Variants in MYO5C observed in about 807,000 individuals in gnomAD.
The protein encoded by MYO5C is myosin VC.
MYO5C carries 194 observed loss-of-function variants against 235.7 expected under a neutral mutation model. The ratio of observed to expected loss-of-function variants is 0.82; its 90% CI spans 0.73 to 0.93. The LOEUF is 0.93. Among genes scored for constraint, MYO5C ranks in the 40% least tolerant of loss-of-function variants. The pLI, the probability that MYO5C is intolerant of heterozygous loss-of-function variation, is 0.00. For missense variants in MYO5C, 2,038 were observed against 2,127.2 expected (o/e 0.96, Z 0.82); for synonymous variants, 707 against 754.8 (o/e 0.94, Z 1.04).
At position 52,225,538 on chromosome 15, in the gene MYO5C, T is replaced by A; in HGVS notation, c.3208-6A>T. ...TTTTCGAACTCAGAGATTGTCTGAA[T>A]CACAGCAATGACGGAATCAGGTAAA... On this transcript the variant is annotated splice_region_variant and splice_polypyrimidine_tract_variant and intron_variant, in intron 25 of 40. Coordinates refer to ENST00000261839, the MANE Select transcript of MYO5C (RefSeq NM_018728.4). 1.2e-6 allele frequency: 2 copies of A among 1,600,030 alleles called. No homozygotes were observed. The highest frequency in any genetic ancestry group is 1.7e-6 in the Non-Finnish European group (2 of 1,168,120).
chr15:52,245,485 C>G lies in MYO5C; in HGVS notation c.2067-20G>C. 6.4e-7 allele frequency: 1 copy of G among 1,561,806 alleles called. No homozygotes were observed. The highest frequency in any genetic ancestry group is 8.8e-7 in the Non-Finnish European group (1 of 1,132,374). On this transcript the variant is annotated intron_variant, in intron 17 of 40. Coordinates refer to ENST00000261839, the MANE Select transcript of MYO5C (RefSeq NM_018728.4). ...GTCCACCTGGAAAATCAAAGGGGAT[C>G]AAAGCCAGGAGTGTCAGAGGAAGCA...
intron 32 of MYO5C, among the ~76,000 whole-genome samples, chr15:52,215,708 CTT>C (rs1298545576): frequency 6.6e-6 from 1 of 152,202 alleles, no homozygotes; most frequent in Non-Finnish European, 1.5e-5. Context: ...AAAAACCACT[CTT>C]CACATTTTGA....
At chr15:52,259,555 C>T (rs931167551) in intron 10 of MYO5C, among the ~76,000 whole-genome samples, 10 of 151,964 alleles carry the variant, frequency 6.6e-5, no homozygotes, top group African/African-American at 2.4e-4. Context: ...CACAATGAAA[C>T]AGGACTATTT....
At chr15:52,248,894 A>C (rs867568785) in intron 13 of MYO5C, 111 bp from the exon 14 acceptor site, 11 of 746,004 alleles carry the variant, frequency 1.5e-5, no homozygotes, top group Middle Eastern at 4.8e-4. Context: ...TACAGAGGCA[A>C]TCTTACAAAA....
intron 29 of MYO5C, 47 bp from the exon 30 acceptor site, chr15:52,221,302 A>G: frequency 7.4e-7 from 1 of 1,357,548 alleles, no homozygotes; most frequent in Non-Finnish European, 1.0e-6. Context: ...ACTTTTATCT[A>G]TGAACTTTAA....
chr15:52,269,603 G>C (rs2036877324), intron 8 of MYO5C, 150 bp downstream of exon 8: 3 of 573,620 alleles, frequency 5.2e-6, no homozygotes, highest in Non-Finnish European at 3.1e-6. Flanking sequence ...ATGTTGGCCA[G>C]AATGGTCTCA....
intron 38 of MYO5C, among the ~76,000 whole-genome samples, chr15:52,201,915 A>G (rs1223812816): frequency 4.0e-5 from 2 of 49,710 alleles, no homozygotes; most frequent in Admixed American, 3.4e-4. Flanking sequence ...CAAAGGGATA[A>G]TACTAAAAAA....
chr15:52,229,302 T>G lies in MYO5C; in HGVS notation c.3038A>C (p.Lys1013Thr). The part of the protein sequence containing the change: ...KEERQRMLLE[K>T]SFELKTQDYE... ...GTCTTGTGTTTTCAGTTCAAAACTT[T>G]TTTCAAGAAGCCTACGCAGCAAAAG... is the stretch of plus-strand genomic sequence containing the variant. The change falls in exon 25 of 41, where the codon AAA (lysine) becomes ACA (threonine). Residue 1013 changes from lysine to threonine, a missense_variant. Lys to Thr is a moderately conservative substitution (Grantham distance 78). Coordinates refer to ENST00000261839, the MANE Select transcript of MYO5C (RefSeq NM_018728.4). 1 of 1,613,252 alleles carries G rather than the reference T, an allele frequency of 6.2e-7. No individual in the cohort carries two copies. The highest frequency in any genetic ancestry group is 8.5e-7 in the Non-Finnish European group (1 of 1,179,950).
chr15:52,289,168 C>T (rs540981389), intron 1 of MYO5C, among the ~76,000 whole-genome samples: 1 of 151,008 alleles, frequency 6.6e-6, no homozygotes, highest in Non-Finnish European at 1.5e-5. Flanking sequence ...GGCCCCTCCC[C>T]TGGCTCCCCT....
chr15:52,236,827 A>T (rs2036097308), intron 22 of MYO5C: 1 of 152,252 alleles, frequency 6.6e-6, no homozygotes, highest in Non-Finnish European at 1.5e-5. Flanking sequence ...CAATTCTGTC[A>T]ATCTCTTTTT....
chr15:52,230,540 C>A (rs2141299519), intron 24 of MYO5C, among the ~76,000 whole-genome samples: 1 of 152,024 alleles, frequency 6.6e-6, no homozygotes, highest in African/African-American at 2.4e-5. Flanking sequence ...TCCCGAGTAG[C>A]TGGGATTATA....
At chr15:52,255,781 T>A (rs1017287750) in intron 11 of MYO5C, among the ~76,000 whole-genome samples, 30 of 152,080 alleles carry the variant, frequency 2.0e-4, no homozygotes, top group African/African-American at 3.9e-4. Context: ...CAACATTTTT[T>A]AAATTGTTTT....
chr15:52,285,437 C>CTCCCTCTCCCT (rs2037242330), intron 1 of MYO5C, among the ~76,000 whole-genome samples: 1 of 95,052 alleles, frequency 1.1e-5, no homozygotes, highest in Non-Finnish European at 2.1e-5. Context: ...CTCTCCCTCT[C>CTCCCTCTCCCT]CCTCTCCCTC....
chr15:52,280,078 C>A (rs1430437082), intron 2 of MYO5C, among the ~76,000 whole-genome samples: 3 of 148,036 alleles, frequency 2.0e-5, no homozygotes, highest in Admixed American at 6.6e-5. Context: ...TGAGGCCATG[C>A]AAGTTTTCAT....
chr15:52,221,162 C>G lies in MYO5C; in HGVS notation c.3721G>C (p.Gly1241Arg), dbSNP rs142967217. Residue 1241 changes from glycine (G) to arginine (R), a missense_variant and splice_region_variant, in exon 30 of 41, where the codon GGA becomes CGA. Transcript: ENST00000261839. Reference sequence around the variant, plus strand: ...GCAGGTTAATGAGGGTTTCAGTTACCTTTCATTTTCTCAGCTTGTTCATTC... The same window carrying G: ...GCAGGTTAATGAGGGTTTCAGTTACGTTTCATTTTCTCAGCTTGTTCATTC... Reference protein sequence around the residue: ...RLNEQAEKMKGKLEELSNQLH... With the variant: ...RLNEQAEKMKRKLEELSNQLH... The G allele has an allele frequency of 1.4e-5, 23 of 1,608,034 alleles. No individual in the cohort carries two copies. In the African/African-American group the frequency reaches 2.3e-4, roughly 16 times the overall value.
chr15:52,235,442 GCA>G (rs2036058740), intron 23 of MYO5C, among the ~76,000 whole-genome samples: 1 of 152,144 alleles, frequency 6.6e-6, no homozygotes, highest in African/African-American at 2.4e-5. Flanking sequence ...AGGTTCTGAG[GCA>G]CAGAGAGGAA....
chr15:52,260,105 G>A (rs1452099483), intron 10 of MYO5C, among the ~76,000 whole-genome samples: 1 of 152,236 alleles, frequency 6.6e-6, no homozygotes, highest in African/African-American at 2.4e-5. Context: ...AATCTCCACA[G>A]AGCCCTCCAT....
intron 8 of MYO5C, among the ~76,000 whole-genome samples, chr15:52,266,275 C>A (rs1238788008): frequency 2.6e-5 from 4 of 152,204 alleles, no homozygotes; most frequent in Admixed American, 2.6e-4. Flanking sequence ...GGGGAGCTCA[C>A]TGGTCAAGTT....
rs776097233 is a variant in MYO5C, at chr15:52,272,726, A to G, written c.607-3T>C. 1.9e-6 allele frequency: 3 copies of G among 1,598,740 alleles called. No individual in the cohort carries two copies. The highest frequency in any genetic ancestry group is 1.3e-5 in the African/African-American group (1 of 74,350). ...GTGGTCTTGGCATTTCCAACGGCCT[A>G]AAAAAAATAAGACTCTATTGAAATA... On this transcript the variant is annotated splice_region_variant and splice_polypyrimidine_tract_variant and intron_variant, in intron 5 of 40. Transcript: ENST00000261839.
Sources: allele counts gnomAD v4.1 joint callset (sites outside exome capture counted in the v4.1 genomes callset), GRCh38; gene constraint gnomAD v4.1.1; transcripts MANE v1.5; gene names NCBI Gene and HGNC (gene_info 2026-07-23, HGNC 2026-07-21).